Variants in WNT7A observed in about 807,000 individuals in gnomAD.
WNT7A encodes protein Wnt-7a.
In WNT7A, 16 loss-of-function variants were observed where a neutral mutation model predicts 28.2. The ratio of observed to expected loss-of-function variants is 0.57; its 90% confidence interval spans 0.38 to 0.86. The LOEUF is 0.86. Ranked by LOEUF, WNT7A falls within the 40% of genes least tolerant of loss-of-function variation. The pLI is 0.00. For missense variants in WNT7A, 411 were observed against 489.7 expected (o/e 0.84, Z 1.52); for synonymous variants, 190 against 195.9 (o/e 0.97, Z 0.25).
intron 2 of WNT7A, among the ~76,000 whole-genome samples, chr3:13,862,330 A>G (rs1443744005): frequency 6.6e-6 from 1 of 152,230 alleles, no homozygotes; most frequent in East Asian, 1.9e-4. Context: ...TGCCCAAAAG[A>G]TTCCATTCCA....
intron 2 of WNT7A, among the ~76,000 whole-genome samples, chr3:13,857,409 CA>C (rs1223482962): frequency 6.6e-6 from 1 of 152,128 alleles, no homozygotes; most frequent in African/African-American, 2.4e-5. Flanking sequence ...GGCAGACAGA[CA>C]GGAAAAGTCT....
chr3:13,865,923 T>C (rs1694904064), intron 2 of WNT7A, among the ~76,000 whole-genome samples: 1 of 152,016 alleles, frequency 6.6e-6, no homozygotes, highest in Non-Finnish European at 1.5e-5. Context: ...CTTCCAAAAG[T>C]GGTAAGTGCT....
Position 13,838,120 on chromosome 3 carries a change from T to C in WNT7A, c.570+16412A>G, listed in dbSNP as rs545997594. On this transcript the variant is annotated intron_variant, in intron 3 of 3. Transcript: ENST00000285018. ...TGCGTCTGCAGTTCCCAGCTGAGGG[T>C]GCGGTGGGGCCTCTTCCCCTGGGCA... 2.6e-5 allele frequency among the ~76,000 whole-genome samples: 4 copies of C among 152,062 alleles called. No individual in the cohort carries two copies. In the East Asian group the frequency reaches 7.8e-4, roughly 29 times the overall value.
intron 2 of WNT7A, among the ~76,000 whole-genome samples, chr3:13,857,872 C>G (rs1175458785): frequency 6.6e-6 from 1 of 152,184 alleles, no homozygotes; most frequent in Non-Finnish European, 1.5e-5. Flanking sequence ...TGCTCCAGTT[C>G]CCCCATTGTA....
intron 3 of WNT7A, among the ~76,000 whole-genome samples, chr3:13,821,482 A>C (rs1340010868): frequency 6.6e-6 from 1 of 152,258 alleles, no homozygotes. Context: ...GAATGTCCAC[A>C]CAGCAATGTT....
At chr3:13,832,068 C>T (rs537954865) in intron 3 of WNT7A, among the ~76,000 whole-genome samples, 5 of 152,096 alleles carry the variant, frequency 3.3e-5, no homozygotes, top group Non-Finnish European at 7.4e-5. Context: ...ACCACCTGCT[C>T]CCCTCCTGTT....
chr3:13,860,305 T>C (rs976146750), intron 2 of WNT7A, among the ~76,000 whole-genome samples: 3 of 152,104 alleles, frequency 2.0e-5, no homozygotes, highest in African/African-American at 7.2e-5. Context: ...GTGTCCTTCC[T>C]CAGCCCCACC....
chr3:13,865,834 C>T (rs1240117068), intron 2 of WNT7A, among the ~76,000 whole-genome samples: 3 of 152,164 alleles, frequency 2.0e-5, no homozygotes, highest in African/African-American at 4.8e-5. Flanking sequence ...AGAGGATCAG[C>T]AGATCTGGGC....
chr3:13,879,932 C>T lies in WNT7A; in HGVS notation c.-116G>A. 1 of 788,570 alleles carries T rather than the reference C, an allele frequency of 1.3e-6. No individual in the cohort carries two copies. The highest frequency in any genetic ancestry group is 1.8e-6 in the Non-Finnish European group (1 of 568,128). 48.8% of individuals were successfully genotyped at this position (788,570 alleles called of 1,614,324 possible). ...GCGCGAGCCGAGGCGTCCCCGGGGC[C>T]GTCTGTCGGTGCGCCCGTCCGCGCG... On this transcript the variant is annotated 5_prime_UTR_variant, in exon 1 of 4. Coordinates refer to ENST00000285018, the MANE Select transcript of WNT7A (RefSeq NM_004625.4).
At chr3:13,862,406 T>C (rs1694844895) in intron 2 of WNT7A, among the ~76,000 whole-genome samples, 1 of 152,258 alleles carries the variant, frequency 6.6e-6, no homozygotes, top group Non-Finnish European at 1.5e-5. Flanking sequence ...TACGGTATCT[T>C]ACTGGAAACC....
chr3:13,875,496 G>A (rs1413556602), intron 1 of WNT7A, among the ~76,000 whole-genome samples: 2 of 152,168 alleles, frequency 1.3e-5, no homozygotes, highest in African/African-American at 2.4e-5. Flanking sequence ...ATGGTAGGAT[G>A]CAATTGAGAT....
intron 3 of WNT7A, among the ~76,000 whole-genome samples, chr3:13,825,693 G>T (rs149587493): frequency 1.3e-5 from 2 of 152,160 alleles, no homozygotes; most frequent in African/African-American, 4.8e-5. Flanking sequence ...GTGGGGCCCT[G>T]CATCTGGGGA....
intron 2 of WNT7A, among the ~76,000 whole-genome samples, chr3:13,855,675 C>A (rs965420787): frequency 3.9e-5 from 6 of 152,102 alleles, no homozygotes; most frequent in Non-Finnish European, 7.4e-5. Context: ...TCCTCACCTG[C>A]AAAATGGGTT....
chr3:13,852,198 AC>A (rs1282628046), intron 3 of WNT7A, among the ~76,000 whole-genome samples: 1 of 151,468 alleles, frequency 6.6e-6, no homozygotes, highest in South Asian at 2.1e-4. Context: ...CACATGGTGC[AC>A]CCCCCCACCC....
chr3:13,848,014 C>G (rs1000513278), intron 3 of WNT7A, among the ~76,000 whole-genome samples: 1 of 151,774 alleles, frequency 6.6e-6, no homozygotes, highest in African/African-American at 2.4e-5. Context: ...AAAAACGTAA[C>G]ATACAATTTA....
chr3:13,821,841 C>T (rs1694114949), intron 3 of WNT7A, among the ~76,000 whole-genome samples: 1 of 152,222 alleles, frequency 6.6e-6, no homozygotes, highest in African/African-American at 2.4e-5. Flanking sequence ...CAATATTCTG[C>T]TCCTTGATAT....
intron 3 of WNT7A, among the ~76,000 whole-genome samples, chr3:13,844,601 G>T (rs1694509926): frequency 6.6e-6 from 1 of 152,194 alleles, no homozygotes; most frequent in Non-Finnish European, 1.5e-5. Flanking sequence ...AGTAACCCCA[G>T]GAAAGCACCT....
intron 3 of WNT7A, among the ~76,000 whole-genome samples, chr3:13,829,908 G>C (rs1694250513): frequency 6.6e-6 from 1 of 152,070 alleles, no homozygotes; most frequent in Admixed American, 6.5e-5. Flanking sequence ...CCTTTCTCCT[G>C]CCTTCTCCAA....
At chr3:13,877,920 C>A (rs1243404189) in intron 1 of WNT7A, among the ~76,000 whole-genome samples, 1 of 152,194 alleles carries the variant, frequency 6.6e-6, no homozygotes, top group Non-Finnish European at 1.5e-5. Flanking sequence ...CGGGTAGAGC[C>A]GTCACGTCTG....
Sources: allele counts gnomAD v4.1 joint callset (sites outside exome capture counted in the v4.1 genomes callset), GRCh38; gene constraint gnomAD v4.1.1; transcripts MANE v1.5; gene names NCBI Gene and HGNC (gene_info 2026-07-23, HGNC 2026-07-21).